The following MATN4 variants were observed in gnomAD, a reference collection of about 807,000 sequenced individuals.
MATN4 encodes the protein matrilin-4.
A neutral mutation model predicts 54.6 loss-of-function variants in MATN4; 40 were observed. The ratio of observed to expected loss-of-function variants is 0.73; its 90% CI spans 0.57 to 0.95. The LOEUF is 0.95. Among genes scored for constraint, MATN4 ranks in the 40% least tolerant of loss-of-function variants. The pLI is 0.00. For synonymous variants in MATN4, 351 were observed against 345.3 expected (o/e 1.02, Z -0.18); for missense variants, 810 against 819.1 (o/e 0.99, Z 0.13).
In MATN4 at chr20:45,299,944, C is replaced by A. The variant is rs144406704; in HGVS notation, c.1012+943G>T. On this transcript the variant is annotated intron_variant, in intron 6 of 9. Transcript: ENST00000372756. Reference sequence around the variant, plus strand: ...CTGTCTTCACCATGTGAGGACACAGCAAGAAAATTGGTGTGTGTGGGTGTG... The same window carrying A: ...CTGTCTTCACCATGTGAGGACACAGAAAGAAAATTGGTGTGTGTGGGTGTG... Among the ~76,000 whole-genome samples, 370 of 144,014 alleles carry A rather than the reference C, an allele frequency of 2.6e-3. 2 individuals carry two copies. The highest frequency in any genetic ancestry group is 9.4e-3 in the African/African-American group (360 of 38,256). The allele number at this position is 144,014 out of a possible 152,430, so 94.5% of individuals were successfully genotyped here.
At chr20:45,301,477 A>G in intron 3 of MATN4, 34 bp from the exon 4 acceptor site, 1 of 1,604,232 alleles carries the variant, frequency 6.2e-7, no homozygotes, top group Non-Finnish European at 8.5e-7. Context: ...TATGCCCAGG[A>G]CTGCCCTTCT....
rs370731005 is a variant in MATN4 at position 45,293,977 on chromosome 20, A to G, written c.1618T>C (p.Cys540Arg). Residue 540 changes from cysteine to arginine, a missense_variant, in exon 9 of 10, where the codon TGC becomes CGC. By Grantham distance (180) the Cys-to-Arg change is radical. Transcript: ENST00000372756. The part of the protein sequence containing the change: ...ISAGTELRSP[C>R]ECESLVEFQG... ...AACTCCACGAGGCTTTCGCATTCGCATGGGCTCCGAAGCTCTGTCCCTGCG... is the reference window on the plus strand; with the variant it reads ...AACTCCACGAGGCTTTCGCATTCGCGTGGGCTCCGAAGCTCTGTCCCTGCG... The G allele has an allele frequency of 1.5e-5, 24 of 1,603,346 alleles. No individual in the cohort carries two copies. The highest frequency in any genetic ancestry group is 6.7e-5 in the African/African-American group (5 of 74,804).
intron 1 of MATN4, 159 bp downstream of exon 1, chr20:45,308,016 G>A: frequency 3.2e-6 from 2 of 627,054 alleles, no homozygotes; most frequent in Admixed American, 2.7e-5. Flanking sequence ...CTTTGAGGGT[G>A]GGGGCTCGAT....
At chr20:45,296,992 A>G (rs11086959) in intron 8 of MATN4, among the ~76,000 whole-genome samples, 39,842 of 151,598 alleles carry the variant, frequency 0.26, 5,479 homozygotes, top group Admixed American at 0.34. Context: ...CACCTTGCCC[A>G]GCTAATTTTT....
chr20:45,295,820 A>C (rs1047720528), intron 8 of MATN4, among the ~76,000 whole-genome samples: 2 of 152,186 alleles, frequency 1.3e-5, no homozygotes, highest in Non-Finnish European at 2.9e-5. Context: ...TACAATTAAA[A>C]CTGGCACATG....
At chr20:45,299,962 TGGGTGTGTGTGTGTAGGG>T (rs59470418) in intron 6 of MATN4, among the ~76,000 whole-genome samples, 31,112 of 133,438 alleles carry the variant, frequency 0.23, 3,354 homozygotes, top group Middle Eastern at 0.32. Context: ...TTGGTGTGTG[TGGGTGTGTGTGTGTAGGG>T]GTGTGTGTGT....
In MATN4 at chr20:45,298,531, G is replaced by T. The variant is rs1348525207; in HGVS notation, c.1065C>A (p.Ser355Arg). 6.3e-7 allele frequency: 1 copy of T among 1,598,320 alleles called. No individual in the cohort carries two copies. Among genetic ancestry groups the T allele is most frequent in the African/African-American group, 1.3e-5 (1 of 74,644 alleles). Residue 355 changes from serine (S) to arginine (R), a missense_variant, in exon 7 of 10, where the codon AGC becomes AGA. Coordinates refer to ENST00000372756, the MANE Select transcript of MATN4 (RefSeq NM_001393530.1). The surrounding 1 kb of genome is among the most constrained non-coding windows in gnomAD (Gnocchi z 4.6). ...DLVLLVDGSKSVRPQNFELVK... is the reference protein window; with the variant it reads ...DLVLLVDGSKRVRPQNFELVK... ...CTAGCTCGAAGTTTTGTGGACGCAC[G>T]CTCTTGGAGCCATCAACCAGCAGAA...
In MATN4 at chr20:45,293,944, G is replaced by A. The variant is rs2233105; in HGVS notation, c.1651C>T (p.Arg551Cys). 4,591 of 1,602,248 alleles carry A rather than the reference G, an allele frequency of 2.9e-3. 107 individuals carry two copies. In the African/African-American group the frequency reaches 0.052, roughly 18 times the overall value. The change falls in exon 9 of 10, where the codon CGC becomes TGC. Residue 551 changes from arginine to cysteine, a missense_variant. Transcript: ENST00000372756. ...AGGCTCTCGAGCGCCCCCAGCGTGC[G>A]GCCCTGGAACTCCACGAGGCTTTCG... is the stretch of plus-strand genomic sequence containing the variant. The part of the protein sequence containing the change: ...ECESLVEFQG[R>C]TLGALESLTL...
rs766481508 is a variant in MATN4, at chr20:45,301,338, T to G, written c.749A>C (p.Asp250Ala). 6.2e-7 allele frequency: 1 copy of G among 1,614,102 alleles called. No individual in the cohort carries two copies. The highest frequency in any genetic ancestry group is 8.5e-7 in the Non-Finnish European group (1 of 1,180,010). ...TTGCTCACCCCTGCAGCTCCTCTGG[T>G]CCTGCTGGAGTACAAAGCCAACTTG... ...HCQVGFVLQQ[D>A]QRSCRAIDYC... is the part of the protein sequence containing the mutation. The change falls in exon 4 of 10, where the codon GAC becomes GCC. Residue 250 changes from aspartate (D) to alanine (A), a missense_variant. Asp to Ala is a moderately radical substitution (Grantham distance 126). Coordinates refer to ENST00000372756, the MANE Select transcript of MATN4 (RefSeq NM_001393530.1).
intron 3 of MATN4, among the ~76,000 whole-genome samples, chr20:45,302,518 C>T (rs1230331508): frequency 6.6e-6 from 1 of 152,222 alleles, no homozygotes; most frequent in Non-Finnish European, 1.5e-5. Flanking sequence ...CACCTGTAAT[C>T]CCAGCACTTT....
intron 1 of MATN4, chr20:45,306,760 C>T (rs1294047900): frequency 4.0e-6 from 2 of 503,702 alleles, no homozygotes; most frequent in Non-Finnish European, 6.4e-6. Context: ...GCGCCCACCC[C>T]GAGCAAACAG....
intron 8 of MATN4, among the ~76,000 whole-genome samples, chr20:45,295,577 C>T (rs773563227): frequency 2.6e-5 from 4 of 152,016 alleles, no homozygotes; most frequent in Admixed American, 2.0e-4. Context: ...TTAGTAGAGA[C>T]GGGGTTTCAC....
Position 45,301,052 on chromosome 20 carries a change from C to T in MATN4, c.890-43G>A, listed in dbSNP as rs757385500. On this transcript the variant is annotated intron_variant, in intron 5 of 9. Transcript: ENST00000372756. ...TCAGGATGAGTCAGGATGGACCCCA[C>T]CAGCTAAGATCTCTTACCCCTCCCA... 3 of 1,614,048 alleles carry T rather than the reference C, an allele frequency of 1.9e-6. No homozygotes were observed. The South Asian group carries it at 3.3e-5, about 18-fold the overall frequency.
chr20:45,304,039 G>A (rs1222933272), intron 3 of MATN4, among the ~76,000 whole-genome samples, 189 bp downstream of exon 3: 1 of 152,140 alleles, frequency 6.6e-6, no homozygotes, highest in East Asian at 1.9e-4. Context: ...ATTATAGGTT[G>A]CTCCTTGTTG....
At chr20:45,305,753 C>A in intron 1 of MATN4, 137 bp from the exon 2 acceptor site, 3 of 308,726 alleles carry the variant, frequency 9.7e-6, no homozygotes, top group African/African-American at 2.3e-5. Flanking sequence ...TGAAATGTTT[C>A]AGAATTAAAA....
In MATN4 at chr20:45,296,469, C is replaced by A. The variant is rs77487485; in HGVS notation, c.1579+1449G>T. On this transcript the variant is annotated intron_variant, in intron 8 of 9. Coordinates refer to ENST00000372756, the MANE Select transcript of MATN4 (RefSeq NM_001393530.1). ...CCCCTAACTTCACAGATTTGTTTCT[C>A]TAAACAAAGGGTTGGAGACAGGGAA... 2.8e-3 allele frequency among the ~76,000 whole-genome samples: 426 copies of A among 152,240 alleles called. 2 individuals are homozygous for A. Among genetic ancestry groups the A allele is most frequent in the African/African-American group, 9.4e-3 (390 of 41,544 alleles).
At chr20:45,304,007 G>A (rs1302262546) in intron 3 of MATN4, among the ~76,000 whole-genome samples, 1 of 152,192 alleles carries the variant, frequency 6.6e-6, no homozygotes, top group Non-Finnish European at 1.5e-5. Context: ...CCTGTGGTAA[G>A]CTGTGGCGGG....
In MATN4 at chr20:45,303,457, G is replaced by C. The variant is rs1460800244; in HGVS notation, c.643+771C>G. The C allele has an allele frequency of 5.6e-6, 4 of 717,150 alleles. No individual in the cohort carries two copies. In the Admixed American group the frequency reaches 6.0e-5, roughly 11 times the overall value. The allele number at this position is 717,150 out of a possible 1,614,324, so 44.4% of individuals were successfully genotyped here. A position where few individuals can be genotyped will look rare whatever the true frequency, so the allele number is the denominator to read the frequency against. ...GCAGGTGCAGTGGAACATGGCCCAGGCATTGACACATTGGTGCTGGCAACC... is the reference window on the plus strand; with the variant it reads ...GCAGGTGCAGTGGAACATGGCCCAGCCATTGACACATTGGTGCTGGCAACC... On this transcript the variant is annotated intron_variant, in intron 3 of 9. Coordinates refer to ENST00000372756, the MANE Select transcript of MATN4 (RefSeq NM_001393530.1).
chr20:45,305,805 C>CTTTTTTTTTTTTTTGTTTTTTTTTTT lies in MATN4; in HGVS notation c.-34-190_-34-189insAAAAAAAAAAACAAAAAAAAAAAAAA, dbSNP rs1986599273. Among the ~76,000 whole-genome samples the CTTTTTTTTTTTTTTGTTTTTTTTTTT allele has an allele frequency of 3.1e-5, 2 of 64,676 alleles. 1 individual carries two copies. Among genetic ancestry groups the CTTTTTTTTTTTTTTGTTTTTTTTTTT allele is most frequent in the Non-Finnish European group, 5.2e-5 (2 of 38,602 alleles). 42.4% of individuals were successfully genotyped at this position (64,676 alleles called of 152,430 possible). Reference sequence around the variant, plus strand: ...GGATTGCTGGGAAACACAAGAGATTCTTTTTTTTTTTTTTTTTAGATAGAG... The same window carrying CTTTTTTTTTTTTTTGTTTTTTTTTTT: ...GGATTGCTGGGAAACACAAGAGATTCTTTTTTTTTTTTTTGTTTTTTTTTTTTTTTTTTTTTTTTTTTTAGATAGAG... On this transcript the variant is annotated intron_variant, in intron 1 of 9. Coordinates refer to ENST00000372756, the MANE Select transcript of MATN4 (RefSeq NM_001393530.1).
Sources: gnomAD v4.1 joint callset for allele counts (sites outside exome capture counted in the v4.1 genomes callset) on GRCh38, gnomAD v4.1.1 for gene constraint, Gnocchi (gnomAD v3.1) non-coding constraint, MANE v1.5 for transcripts, NCBI Gene and HGNC (gene_info 2026-07-23, HGNC 2026-07-21) for gene names.